The following HS3ST3A1 variants were observed in gnomAD, a reference collection of about 807,000 sequenced individuals.
The protein encoded by HS3ST3A1 is heparan sulfate glucosamine 3-O-sulfotransferase 3A1.
HS3ST3A1 carries 19 observed loss-of-function variants against 25.7 expected under a neutral mutation model. That is an observed-to-expected ratio of 0.74 (90% confidence interval 0.52 to 1.08). HS3ST3A1 has a LOEUF of 1.08. Ranked by LOEUF, HS3ST3A1 falls within the 50% of genes least tolerant of loss-of-function variation. The probability of loss-of-function intolerance (pLI) is 0.00; values close to 1 mark genes in which losing one functional copy is unlikely to be tolerated. For missense variants in HS3ST3A1, 459 were observed against 594.3 expected (o/e 0.77, Z 2.37); for synonymous variants, 226 against 278.6 (o/e 0.81, Z 1.88).
chr17:13,560,238 C>T (rs1038118438), intron 1 of HS3ST3A1, among the ~76,000 whole-genome samples: 7 of 129,334 alleles, frequency 5.4e-5, no homozygotes, highest in Admixed American at 9.8e-5. Context: ...TGCAGTGAGC[C>T]GAGACAGCGC....
intron 1 of HS3ST3A1, among the ~76,000 whole-genome samples, chr17:13,501,907 A>T (rs1273270041): frequency 6.6e-6 from 1 of 152,218 alleles, no homozygotes; most frequent in Non-Finnish European, 1.5e-5. Context: ...TTTGAAGGCC[A>T]TGAGCTGGCT....
intron 1 of HS3ST3A1, among the ~76,000 whole-genome samples, chr17:13,576,330 A>T (rs1168085396): frequency 6.6e-6 from 1 of 152,196 alleles, no homozygotes; most frequent in Admixed American, 6.5e-5. Context: ...AAGGTGGAAG[A>T]GTCACTCCAA....
At chr17:13,583,999 A>G (rs1295907569) in intron 1 of HS3ST3A1, among the ~76,000 whole-genome samples, 2 of 152,208 alleles carry the variant, frequency 1.3e-5, no homozygotes, top group Non-Finnish European at 2.9e-5. Context: ...CCAGAGAAGA[A>G]AAAGGAAAGT....
chr17:13,565,244 T>G (rs1907648260), intron 1 of HS3ST3A1, among the ~76,000 whole-genome samples: 1 of 152,110 alleles, frequency 6.6e-6, no homozygotes, highest in Non-Finnish European at 1.5e-5. Context: ...TGCAAGGGTT[T>G]AAAAAGCTTG....
chr17:13,588,532 C>T (rs1908338113), intron 1 of HS3ST3A1, among the ~76,000 whole-genome samples: 1 of 152,114 alleles, frequency 6.6e-6, no homozygotes, highest in South Asian at 2.1e-4. Flanking sequence ...CTATTGGGAT[C>T]CACTATAGCA....
At chr17:13,502,471 C>T (rs1469055885) in intron 1 of HS3ST3A1, among the ~76,000 whole-genome samples, 2 of 152,030 alleles carry the variant, frequency 1.3e-5, no homozygotes, top group African/African-American at 2.4e-5. Context: ...ATGGTGCATC[C>T]GATATATGCA....
At chr17:13,510,540 T>C (rs912047234) in intron 1 of HS3ST3A1, among the ~76,000 whole-genome samples, 2 of 152,232 alleles carry the variant, frequency 1.3e-5, no homozygotes, top group Non-Finnish European at 2.9e-5. Context: ...ATTCTACTAG[T>C]TAGATTCTGG....
At chr17:13,506,602 C>T (rs893962777) in intron 1 of HS3ST3A1, among the ~76,000 whole-genome samples, 4 of 152,188 alleles carry the variant, frequency 2.6e-5, no homozygotes, top group African/African-American at 9.7e-5. Flanking sequence ...GAGGTTAATT[C>T]AAATGAAGGC....
At chr17:13,556,635 C>T (rs1471041271) in intron 1 of HS3ST3A1, among the ~76,000 whole-genome samples, 4 of 151,852 alleles carry the variant, frequency 2.6e-5, no homozygotes, top group African/African-American at 4.8e-5. Context: ...AGGCGGATCA[C>T]GAGGTCAGGA....
Position 13,584,173 on chromosome 17 carries a change from C to T in HS3ST3A1, c.599+16358G>A, listed in dbSNP as rs76840537. Among the ~76,000 whole-genome samples the T allele has an allele frequency of 5.1e-3, 772 of 152,232 alleles. 6 individuals are homozygous for T. Among genetic ancestry groups the T allele is most frequent in the Non-Finnish European group, 8.3e-3 (564 of 68,018 alleles). ...CATAAGGTATTTAAATTTCTTCATTCTCTGATGAAATCTTCAAGCAAGTAT... is the reference window on the plus strand; with the variant it reads ...CATAAGGTATTTAAATTTCTTCATTTTCTGATGAAATCTTCAAGCAAGTAT... On this transcript the variant is annotated intron_variant, in intron 1 of 1. Coordinates refer to ENST00000284110, the MANE Select transcript of HS3ST3A1 (RefSeq NM_006042.3).
intron 1 of HS3ST3A1, among the ~76,000 whole-genome samples, chr17:13,558,559 G>T (rs1907441472): frequency 6.6e-6 from 1 of 152,148 alleles, no homozygotes; most frequent in Admixed American, 6.5e-5. Flanking sequence ...GCGAAGGAAG[G>T]CAGAGGGTGG....
intron 1 of HS3ST3A1, among the ~76,000 whole-genome samples, chr17:13,524,326 C>T (rs1223002996): frequency 3.3e-5 from 5 of 152,092 alleles, no homozygotes; most frequent in South Asian, 2.1e-4. Flanking sequence ...GACATGATCT[C>T]GGCTCACTGC....
intron 1 of HS3ST3A1, among the ~76,000 whole-genome samples, chr17:13,562,217 G>A (rs1907567623): frequency 1.3e-5 from 2 of 152,100 alleles, no homozygotes; most frequent in East Asian, 1.9e-4. Context: ...AAAAGGAGCC[G>A]CAGCCTGCAA....
chr17:13,600,054 T>C (rs1274980145), intron 1 of HS3ST3A1, among the ~76,000 whole-genome samples: 2 of 152,156 alleles, frequency 1.3e-5, no homozygotes, highest in Non-Finnish European at 2.9e-5. Context: ...ACTTCCCACC[T>C]AGGACAACTA....
intron 1 of HS3ST3A1, among the ~76,000 whole-genome samples, chr17:13,505,246 A>G (rs1905625504): frequency 1.3e-5 from 2 of 152,198 alleles, no homozygotes; most frequent in Non-Finnish European, 2.9e-5. Context: ...AATGGAGCAA[A>G]TTCGACAGAG....
intron 1 of HS3ST3A1, among the ~76,000 whole-genome samples, chr17:13,598,362 TA>T (rs1908636310): frequency 6.6e-6 from 1 of 152,172 alleles, no homozygotes; most frequent in South Asian, 2.1e-4. Context: ...TTTCATTAAA[TA>T]ATCACATAAT....
At chr17:13,572,013 C>A (rs769140392) in intron 1 of HS3ST3A1, among the ~76,000 whole-genome samples, 23 of 152,130 alleles carry the variant, frequency 1.5e-4, no homozygotes, top group Non-Finnish European at 3.1e-4. Context: ...CCCACCTCGG[C>A]CTCTCAAAGT....
chr17:13,510,695 C>T (rs1397727367), intron 1 of HS3ST3A1, among the ~76,000 whole-genome samples: 1 of 149,412 alleles, frequency 6.7e-6, no homozygotes, highest in Admixed American at 6.9e-5. Context: ...GTGTGAATAT[C>T]TCAGTGTCCT....
chr17:13,552,089 T>C (rs1339143378), intron 1 of HS3ST3A1, among the ~76,000 whole-genome samples: 2 of 152,182 alleles, frequency 1.3e-5, no homozygotes, highest in African/African-American at 4.8e-5. Context: ...TTTTTTATTT[T>C]TATTTTTTGA....
Sources: gnomAD v4.1 joint callset for allele counts (sites outside exome capture counted in the v4.1 genomes callset) on GRCh38, gnomAD v4.1.1 for gene constraint, MANE v1.5 for transcripts, NCBI Gene and HGNC (gene_info 2026-07-23, HGNC 2026-07-21) for gene names.